Variants in ESCO2 observed in about 807,000 individuals in gnomAD.
ESCO2 encodes N-acetyltransferase ESCO2.
ESCO2 carries 51 observed loss-of-function variants against 61.7 expected under a neutral mutation model. The ratio of observed to expected loss-of-function variants is 0.83; its 90% confidence interval spans 0.66 to 1.04. The LOEUF is 1.04. ESCO2 is among the 50% of genes least tolerant of loss of function. The pLI is 0.00. For synonymous variants in ESCO2, 230 were observed against 238.2 expected (o/e 0.97, Z 0.32); for missense variants, 692 against 686.2 (o/e 1.01, Z -0.09).
At chr8:27,819,592 A>G in the ESCO2 span, among the ~76,000 whole-genome samples, 1 of 152,098 alleles carries the variant, frequency 6.6e-6, no homozygotes, top group Admixed American at 6.6e-5. Flanking sequence ...CATACTTTTT[A>G]TAATTCGAAG....
intron 10 of ESCO2, among the ~76,000 whole-genome samples, chr8:27,801,532 A>G (rs1286224529): frequency 6.6e-6 from 1 of 152,182 alleles, no homozygotes; most frequent in East Asian, 1.9e-4. Context: ...TCTATGTTTT[A>G]TATTAGATAT....
At chr8:27,808,841 T>A (rs1805615666), downstream of ESCO2, among the ~76,000 whole-genome samples, 1 of 152,170 alleles carries the variant, frequency 6.6e-6, no homozygotes. Context: ...TCTGCAATCT[T>A]GTGTTGAGGA....
rs764814109 is a variant in ESCO2 at position 27,775,502 on chromosome 8, T to A, written c.-13T>A. On this transcript the variant is annotated 5_prime_UTR_variant, in exon 2 of 11. Coordinates refer to ENST00000305188, the MANE Select transcript of ESCO2 (RefSeq NM_001017420.3). ...TGGTTATTGTCATTTCTTTTAGGAA[T>A]TCAATAAAGAAAATGGCAGCTCTTA... The A allele has an allele frequency of 6.2e-7, 1 of 1,613,204 alleles. No homozygotes were observed. The highest frequency in any genetic ancestry group is 8.5e-7 in the Non-Finnish European group (1 of 1,179,170).
At position 27,792,742 on chromosome 8, in the gene ESCO2, A is replaced by T; in HGVS notation, c.1428A>T (p.Ile476=). The T allele has an allele frequency of 6.2e-7, 1 of 1,611,218 alleles. No homozygotes were observed. The highest frequency in any genetic ancestry group is 8.5e-7 in the Non-Finnish European group (1 of 1,179,180). Residue 476 remains isoleucine (I), a synonymous_variant, in exon 9 of 11, where the codon ATA becomes ATT. Transcript: ENST00000305188. The part of the protein sequence containing the change: ...QQVVPKCPNK[I]KTFLFISDEK... ...TTGTTCCTAAATGTCCAAACAAAAT[A>T]AAAACTTTTCTTTTTATATCTGATG...
chr8:27,811,033 A>T, downstream of ESCO2: 1 of 1,613,146 alleles, frequency 6.2e-7, no homozygotes, highest in Non-Finnish European at 8.5e-7. Context: ...GTAAGGCCAA[A>T]GGCAAATATG....
At chr8:27,784,403 A>G (rs1211892627) in intron 5 of ESCO2, among the ~76,000 whole-genome samples, 1 of 152,188 alleles carries the variant, frequency 6.6e-6, no homozygotes, top group Non-Finnish European at 1.5e-5. Context: ...AGCCTAAGAA[A>G]CTGTTAGTAA....
chr8:27,813,916 TTA>T (rs1805756584), downstream of ESCO2, among the ~76,000 whole-genome samples: 1 of 148,456 alleles, frequency 6.7e-6, no homozygotes, highest in South Asian at 2.1e-4. Flanking sequence ...TTTTTTTTTC[TTA>T]TCAGTTTATT....
chr8:27,817,777 G>T, the ESCO2 span, among the ~76,000 whole-genome samples: 1 of 151,960 alleles, frequency 6.6e-6, no homozygotes, highest in African/African-American at 2.4e-5. Flanking sequence ...CACCTGAAAG[G>T]TTCTACCACA....
chr8:27,807,711 A>C (rs1805590181), downstream of ESCO2, among the ~76,000 whole-genome samples: 1 of 151,974 alleles, frequency 6.6e-6, no homozygotes, highest in African/African-American at 2.4e-5. Context: ...TGTAAGTTTT[A>C]ATTTTTTCCC....
At chr8:27,789,064 GAA>G in intron 7 of ESCO2, 86 bp downstream of exon 7, 1 of 1,549,554 alleles carries the variant, frequency 6.5e-7, no homozygotes, top group South Asian at 1.1e-5. Context: ...CACCCAGCCG[GAA>G]AAGTTAACTT....
rs1189436114 is a variant in ESCO2, at chr8:27,805,131, A to C, written c.*1693A>C. On this transcript the variant is annotated 3_prime_UTR_variant, in exon 11 of 11. Transcript: ENST00000305188. ...CCCCGTCTCTACTAAAAATACAAAAAATTAGCCGGGCGCGGTGGCGGGCGC... is the reference window on the plus strand; with the variant it reads ...CCCCGTCTCTACTAAAAATACAAAACATTAGCCGGGCGCGGTGGCGGGCGC... 4 of 134,896 alleles carry C rather than the reference A, an allele frequency of 3.0e-5. 2 individuals are homozygous for C. The highest frequency in any genetic ancestry group is 6.2e-5 in the Non-Finnish European group (4 of 64,748). The allele number at this position is 134,896 out of a possible 1,614,324, so 8.4% of individuals were successfully genotyped here. A position where few individuals can be genotyped will look rare whatever the true frequency, so the allele number is the denominator to read the frequency against.
intron 7 of ESCO2, among the ~76,000 whole-genome samples, chr8:27,790,765 T>C (rs760127167): frequency 3.9e-5 from 6 of 152,212 alleles, no homozygotes; most frequent in Non-Finnish European, 7.3e-5. Flanking sequence ...CTGCAAAGTG[T>C]GCCAACATTA....
chr8:27,785,486 G>GA (rs938169238), intron 5 of ESCO2, among the ~76,000 whole-genome samples: 2 of 152,172 alleles, frequency 1.3e-5, no homozygotes, highest in African/African-American at 2.4e-5. Flanking sequence ...TGGATCACCT[G>GA]AGGTCTGGAG....
chr8:27,772,191 A>C, upstream of ESCO2: 1 of 460,774 alleles, frequency 2.2e-6, no homozygotes, highest in South Asian at 3.0e-5. Context: ...ACTTGGGATA[A>C]GGTGTGTGGA....
intron 7 of ESCO2, 38 bp from the exon 8 acceptor site, chr8:27,791,925 A>G: frequency 6.3e-7 from 1 of 1,588,540 alleles, no homozygotes. Flanking sequence ...TTTCCTCTTC[A>G]CAAATTAAAC....
intron 9 of ESCO2, among the ~76,000 whole-genome samples, chr8:27,795,415 T>C (rs1299322262): frequency 6.6e-6 from 1 of 152,224 alleles, no homozygotes; most frequent in Non-Finnish European, 1.5e-5. Context: ...ATAGTTTTTT[T>C]GGTGGAGGCT....
rs1804804952 is a variant in ESCO2, at chr8:27,776,870, A to G, written c.562A>G (p.Asn188Asp). The change falls in exon 3 of 11, where the codon AAT (asparagine) becomes GAT (aspartate). Residue 188 changes from asparagine (N) to aspartate (D), a missense_variant. Coordinates refer to ENST00000305188, the MANE Select transcript of ESCO2 (RefSeq NM_001017420.3). The part of the protein sequence containing the change: ...KENNCHSAEN[N>D]SNAPRVLSQK... ...AAATAATTGTCATTCAGCTGAAAAT[A>G]ATTCCAATGCTCCTCGGGTTCTGAG... 1 of 1,614,232 alleles carries G rather than the reference A, an allele frequency of 6.2e-7. No homozygotes were observed. The highest frequency in any genetic ancestry group is 8.5e-7 in the Non-Finnish European group (1 of 1,180,042).
chr8:27,775,320 C>T (rs1443831414), intron 1 of ESCO2, among the ~76,000 whole-genome samples, 179 bp from the exon 2 acceptor site: 1 of 152,052 alleles, frequency 6.6e-6, no homozygotes, highest in Non-Finnish European at 1.5e-5. Flanking sequence ...TACAGGGTGC[C>T]ATGGAAGCAG....
chr8:27,773,255 T>C (rs1298453231), upstream of ESCO2, among the ~76,000 whole-genome samples: 2 of 152,210 alleles, frequency 1.3e-5, no homozygotes, highest in Non-Finnish European at 2.9e-5. Flanking sequence ...AGCTACCTAC[T>C]AACCTAACAC....
Sources: allele counts gnomAD v4.1 joint callset (sites outside exome capture counted in the v4.1 genomes callset), GRCh38; gene constraint gnomAD v4.1.1; transcripts MANE v1.5; gene names NCBI Gene and HGNC (gene_info 2026-07-23, HGNC 2026-07-21).